DCC: variants seen among roughly 807,000 people sequenced by gnomAD.
DCC encodes the protein netrin receptor DCC.
A neutral mutation model predicts 172.5 loss-of-function variants in DCC; 58 were observed. The observed-to-expected ratio is 0.34, with a 90% CI of 0.27 to 0.42. The LOEUF is 0.42. Among genes scored for constraint, DCC ranks in the 10% least tolerant of loss-of-function variants. The pLI is 1.00. For missense variants in DCC, 1,740 were observed against 1,791.0 expected (o/e 0.97, Z 0.51); for synonymous variants, 709 against 644.5 (o/e 1.10, Z -1.52).
chr18:52,582,919 T>G (rs1330277889), intron 1 of DCC, among the ~76,000 whole-genome samples: 1 of 152,328 alleles, frequency 6.6e-6, no homozygotes, highest in African/African-American at 2.4e-5. Flanking sequence ...GTGGAACACA[T>G]GAGCTATCTG....
intron 27 of DCC, among the ~76,000 whole-genome samples, chr18:53,524,469 G>C (rs897250940): frequency 6.6e-6 from 1 of 151,850 alleles, no homozygotes; most frequent in Non-Finnish European, 1.5e-5. Flanking sequence ...TATTTTCACA[G>C]GGCTTTCTGT....
In DCC at chr18:53,301,084, TTTC is replaced by T. The variant is rs1055477519; in HGVS notation, c.1912-4491_1912-4489del. ...TTCCTCTCCTTTCCTTCTTTCTTTC[TTTC>T]TTTCTCTCTTTCTTTTTCCGAGATG... On this transcript the variant is annotated intron_variant, in intron 12 of 28. Transcript: ENST00000442544. Among the ~76,000 whole-genome samples, 17 of 151,316 alleles carry T rather than the reference TTTC, an allele frequency of 1.1e-4. No individual in the cohort carries two copies. In the Admixed American group the frequency reaches 1.1e-3, roughly 10 times the overall value.
chr18:53,413,634 G>A (rs1221060153), intron 20 of DCC, among the ~76,000 whole-genome samples: 1 of 152,130 alleles, frequency 6.6e-6, no homozygotes, highest in African/African-American at 2.4e-5. Context: ...TTTATCCCTT[G>A]CTAAAAATAT....
chr18:52,932,212 A>G (rs558781489), intron 5 of DCC, among the ~76,000 whole-genome samples: 5 of 152,282 alleles, frequency 3.3e-5, no homozygotes, highest in African/African-American at 1.2e-4. Flanking sequence ...CTTATGTTCA[A>G]TACGTCCAGC....
Position 53,226,948 on chromosome 18 carries a change from A to ATATATATATTTTTTTT in DCC, c.1911+11352_1911+11353insATATATATTTTTTTTT. Among the ~76,000 whole-genome samples, 34 of 52,942 alleles carry ATATATATATTTTTTTT rather than the reference A, an allele frequency of 6.4e-4. 1 individual carries two copies. The highest frequency in any genetic ancestry group is 2.8e-3 in the African/African-American group (30 of 10,610). The allele number at this position is 52,942 out of a possible 152,430, so 34.7% of individuals were successfully genotyped here. A position where few individuals can be genotyped will look rare whatever the true frequency, so the allele number is the denominator to read the frequency against. ...TGTGTGTGTGTGTATATATATATAT[A>ATATATATATTTTTTTT]TTTTTTTTTTTTTTTTTTTGAGGCA... On this transcript the variant is annotated intron_variant, in intron 12 of 28. Transcript: ENST00000442544.
chr18:53,343,293 A>G (rs146921302), intron 15 of DCC, among the ~76,000 whole-genome samples: 10 of 151,972 alleles, frequency 6.6e-5, no homozygotes, highest in Non-Finnish European at 1.3e-4. Flanking sequence ...ATAGGTTATT[A>G]CCTCTGGTCT....
intron 12 of DCC, among the ~76,000 whole-genome samples, chr18:53,221,385 C>T (rs927716950): frequency 2.6e-5 from 4 of 152,046 alleles, no homozygotes; most frequent in African/African-American, 9.7e-5. Context: ...TCTATCCAGC[C>T]GTCTCATTTT....
rs1909616060 is a variant in DCC, at chr18:53,405,728, A to G, written c.2935+2835A>G. 3.3e-5 allele frequency among the ~76,000 whole-genome samples: 5 copies of G among 152,352 alleles called. No individual in the cohort carries two copies. In the South Asian group the frequency reaches 1.0e-3, roughly 32 times the overall value. On this transcript the variant is annotated intron_variant, in intron 19 of 28. Coordinates refer to ENST00000442544, the MANE Select transcript of DCC (RefSeq NM_005215.4). ...AGAAGAAAATGATTCAAAATACATTAAGCATTTATTATATGCTTGGCATTC... is the reference window on the plus strand; with the variant it reads ...AGAAGAAAATGATTCAAAATACATTGAGCATTTATTATATGCTTGGCATTC...
intron 1 of DCC, among the ~76,000 whole-genome samples, chr18:52,392,639 G>A (rs960918851): frequency 1.3e-5 from 2 of 152,002 alleles, no homozygotes; most frequent in Admixed American, 1.3e-4. Context: ...TGTAGGTGAG[G>A]GGAAAACTTG....
In DCC at chr18:52,657,557, C is replaced by T. The variant is rs1381084727; in HGVS notation, c.92-94497C>T. On this transcript the variant is annotated intron_variant, in intron 1 of 28. Coordinates refer to ENST00000442544, the MANE Select transcript of DCC (RefSeq NM_005215.4). ...TGTGGTTGAAGTGATGTTAAGTTTTCTCTCACTGCAGTCTGCCTGTCTGCT... is the reference window on the plus strand; with the variant it reads ...TGTGGTTGAAGTGATGTTAAGTTTTTTCTCACTGCAGTCTGCCTGTCTGCT... Among the ~76,000 whole-genome samples the T allele has an allele frequency of 3.3e-5, 5 of 152,292 alleles. No homozygotes were observed. In the East Asian group the frequency reaches 9.7e-4, roughly 29 times the overall value.
chr18:52,623,768 C>T (rs1201986169), intron 1 of DCC, among the ~76,000 whole-genome samples: 4 of 152,162 alleles, frequency 2.6e-5, no homozygotes, highest in Admixed American at 6.5e-5. Context: ...TTTTGCCTCA[C>T]CTTCCTTTCC....
chr18:52,691,015 T>G (rs1357769811), intron 1 of DCC, among the ~76,000 whole-genome samples: 1 of 152,130 alleles, frequency 6.6e-6, no homozygotes, highest in African/African-American at 2.4e-5. Context: ...AATAGCAAAG[T>G]GCATAGACGG....
intron 1 of DCC, among the ~76,000 whole-genome samples, chr18:52,345,368 G>A (rs1275697796): frequency 6.6e-6 from 1 of 152,262 alleles, no homozygotes; most frequent in African/African-American, 2.4e-5. Context: ...AAATGTAAAC[G>A]TCAAGTCTTC....
At chr18:52,696,183 A>G (rs1214945414) in intron 1 of DCC, among the ~76,000 whole-genome samples, 1 of 152,248 alleles carries the variant, frequency 6.6e-6, no homozygotes, top group Non-Finnish European at 1.5e-5. Flanking sequence ...AAACATCCTT[A>G]AAGTTATATA....
At chr18:52,807,749 C>T (rs1330607191) in intron 2 of DCC, among the ~76,000 whole-genome samples, 1 of 152,180 alleles carries the variant, frequency 6.6e-6, no homozygotes, top group Non-Finnish European at 1.5e-5. Flanking sequence ...TTTACCAACT[C>T]TACTGCAAAC....
intron 1 of DCC, among the ~76,000 whole-genome samples, chr18:52,477,764 G>A (rs556579498): frequency 6.6e-6 from 1 of 152,282 alleles, no homozygotes; most frequent in South Asian, 2.1e-4. Flanking sequence ...TCCAGCTCTT[G>A]TGAGACACTG....
chr18:53,174,448 AAGAG>A (rs1480144061), intron 8 of DCC, among the ~76,000 whole-genome samples: 21 of 150,250 alleles, frequency 1.4e-4, no homozygotes, highest in African/African-American at 3.4e-4. Flanking sequence ...TAAAGAAAAA[AAGAG>A]AGAAGAATCA....
At chr18:52,973,525 C>T (rs990058821) in intron 5 of DCC, among the ~76,000 whole-genome samples, 22 of 152,120 alleles carry the variant, frequency 1.4e-4, no homozygotes, top group African/African-American at 5.3e-4. Context: ...TTGCATCTTT[C>T]ATTTCCAGAG....
chr18:52,873,592 A>G (rs1362722781), intron 2 of DCC, among the ~76,000 whole-genome samples: 1 of 152,214 alleles, frequency 6.6e-6, no homozygotes, highest in Non-Finnish European at 1.5e-5. Context: ...AAATTAATAT[A>G]TATAGTATTT....
Sources: gnomAD v4.1 joint callset for allele counts (sites outside exome capture counted in the v4.1 genomes callset) on GRCh38, gnomAD v4.1.1 for gene constraint, MANE v1.5 for transcripts, NCBI Gene and HGNC (gene_info 2026-07-23, HGNC 2026-07-21) for gene names.